The following NCKAP5 variants were observed in gnomAD, a reference collection of about 807,000 sequenced individuals.
The protein encoded by NCKAP5 is NCK associated protein 5, also known as nck-associated protein 5.
A neutral mutation model predicts 167.0 loss-of-function variants in NCKAP5; 92 were observed. That is an observed-to-expected ratio of 0.55 (90% confidence interval 0.47 to 0.66). The LOEUF is 0.66. NCKAP5 is among the 30% of genes least tolerant of loss of function. The pLI, the probability that NCKAP5 is intolerant of heterozygous loss-of-function variation, is 0.00. For missense variants in NCKAP5, 2,378 were observed against 2,315.0 expected (o/e 1.03, Z -0.56); for synonymous variants, 891 against 877.4 (o/e 1.02, Z -0.27).
chr2:133,625,476 G>T, the NCKAP5 span, among the ~76,000 whole-genome samples: 8 of 152,074 alleles, frequency 5.3e-5, no homozygotes, highest in Non-Finnish European at 1.0e-4. Context: ...AGGTGTACAT[G>T]GGGGGCCTGG....
intron 8 of NCKAP5, among the ~76,000 whole-genome samples, chr2:132,941,481 T>C (rs535456220): frequency 2.4e-5 from 2 of 84,556 alleles, no homozygotes; most frequent in African/African-American, 6.8e-5. Flanking sequence ...TTGGCTGGAA[T>C]GACATTCTTT....
chr2:133,635,806 C>T, the NCKAP5 span, among the ~76,000 whole-genome samples: 1 of 152,034 alleles, frequency 6.6e-6, no homozygotes, highest in Non-Finnish European at 1.5e-5. Context: ...TATAGAAAGC[C>T]CCAAATGCTT....
At chr2:132,860,079 C>G (rs1021580227) in intron 11 of NCKAP5, among the ~76,000 whole-genome samples, 2 of 152,054 alleles carry the variant, frequency 1.3e-5, no homozygotes, top group Non-Finnish European at 2.9e-5. Flanking sequence ...AAAAACAAAC[C>G]CCACATGTAT....
intron 7 of NCKAP5, among the ~76,000 whole-genome samples, chr2:132,976,706 G>A (rs2076988142): frequency 6.6e-6 from 1 of 151,760 alleles, no homozygotes; most frequent in African/African-American, 2.4e-5. Context: ...TAATTAGCTT[G>A]ATCTAGCCAT....
At chr2:133,576,787 G>T in the NCKAP5 span, among the ~76,000 whole-genome samples, 1 of 152,186 alleles carries the variant, frequency 6.6e-6, no homozygotes, top group Non-Finnish European at 1.5e-5. Context: ...TGGATACAGA[G>T]AATTCAGTTA....
intron 11 of NCKAP5, among the ~76,000 whole-genome samples, chr2:132,801,456 T>C (rs1685028678): frequency 6.6e-6 from 1 of 152,182 alleles, no homozygotes; most frequent in Non-Finnish European, 1.5e-5. Flanking sequence ...TATATACGGG[T>C]ATTTACACAT....
upstream of NCKAP5, among the ~76,000 whole-genome samples, chr2:133,570,760 G>A (rs945862148): frequency 3.9e-5 from 6 of 152,198 alleles, no homozygotes; most frequent in African/African-American, 1.2e-4. Flanking sequence ...AAAGCTTGTA[G>A]GGGCACAGGT....
chr2:133,050,110 G>A (rs1411013800), intron 6 of NCKAP5, among the ~76,000 whole-genome samples: 3 of 152,142 alleles, frequency 2.0e-5, no homozygotes, highest in Non-Finnish European at 2.9e-5. Flanking sequence ...TTTAGCACCT[G>A]CTGGGTTTCT....
chr2:133,315,884 G>A (rs1200252596), intron 3 of NCKAP5, among the ~76,000 whole-genome samples: 2 of 152,128 alleles, frequency 1.3e-5, no homozygotes, highest in African/African-American at 2.4e-5. Flanking sequence ...TATGCCAAGG[G>A]TAGGGAGAAC....
intron 5 of NCKAP5, among the ~76,000 whole-genome samples, chr2:133,203,997 C>A (rs2085828948): frequency 6.6e-6 from 1 of 152,160 alleles, no homozygotes. Context: ...ACCTTTTGCT[C>A]AACAGAAGTT....
rs370835481 is a variant in NCKAP5, at chr2:133,111,519, A to G, written c.341+18459T>C. Among the ~76,000 whole-genome samples the G allele has an allele frequency of 5.3e-5, 8 of 152,306 alleles. No individual in the cohort carries two copies. In the East Asian group the frequency reaches 1.5e-3, roughly 29 times the overall value. The stretch of plus-strand genomic sequence containing the variant: ...AACAAGATCAACTCATTTACATGTA[A>G]TCAGTGGGGATCAGAGCCTTCCTGA... On this transcript the variant is annotated intron_variant, in intron 6 of 19. Coordinates refer to ENST00000409261, the MANE Select transcript of NCKAP5 (RefSeq NM_207363.3).
chr2:133,373,484 C>A (rs148695216), intron 3 of NCKAP5, among the ~76,000 whole-genome samples: 1 of 152,310 alleles, frequency 6.6e-6, no homozygotes, highest in South Asian at 2.1e-4. Context: ...AATATCAGTT[C>A]TTTCAAACCT....
chr2:133,223,897 C>T (rs531462730), intron 4 of NCKAP5, among the ~76,000 whole-genome samples: 2 of 152,038 alleles, frequency 1.3e-5, no homozygotes, highest in African/African-American at 2.4e-5. Context: ...AGGAATGTAC[C>T]CCAATCCTCC....
In NCKAP5 at chr2:132,790,079, C is replaced by T. The variant is rs768585176; in HGVS notation, c.1036G>A (p.Glu346Lys). Residue 346 changes from glutamate (E) to lysine (K), a missense_variant, in exon 13 of 20, where the codon GAG becomes AAG. By Grantham distance (56) the Glu-to-Lys change is moderately conservative. Coordinates refer to ENST00000409261, the MANE Select transcript of NCKAP5 (RefSeq NM_207363.3). ...GTGTAGGAGGAGCCACTGGAGTACT[C>T]GCTGCAGGTGCTTGAAAGAGACAGT... ...SELSLSSTCS[E>K]YSSGSSYTWH... is the part of the protein sequence containing the mutation. 2 of 1,613,118 alleles carry T rather than the reference C, an allele frequency of 1.2e-6. No homozygotes were observed. The highest frequency in any genetic ancestry group is 1.3e-5 in the African/African-American group (1 of 74,890).
At chr2:133,436,868 T>C (rs1690518508) in intron 3 of NCKAP5, among the ~76,000 whole-genome samples, 1 of 152,152 alleles carries the variant, frequency 6.6e-6, no homozygotes, top group African/African-American at 2.4e-5. Context: ...GTATGGTTTA[T>C]ACCTGCTGTC....
chr2:132,923,505 A>C (rs925869072), intron 8 of NCKAP5, among the ~76,000 whole-genome samples: 1 of 152,226 alleles, frequency 6.6e-6, no homozygotes, highest in Non-Finnish European at 1.5e-5. Flanking sequence ...CCAATTTCTC[A>C]CTAAAGTGAA....
At chr2:133,574,350 T>C in the NCKAP5 span, among the ~76,000 whole-genome samples, 1 of 152,130 alleles carries the variant, frequency 6.6e-6, no homozygotes, top group African/African-American at 2.4e-5. Context: ...CATGCAAAGA[T>C]GCCCCAGGGA....
chr2:133,008,384 GTC>G (rs2078039804), intron 6 of NCKAP5, among the ~76,000 whole-genome samples: 2 of 151,824 alleles, frequency 1.3e-5, no homozygotes, highest in Non-Finnish European at 2.9e-5. Context: ...CACCTTCAAA[GTC>G]TGTTTTGCTT....
At chr2:133,191,535 T>TA (rs1464880397) in intron 5 of NCKAP5, among the ~76,000 whole-genome samples, 1 of 152,162 alleles carries the variant, frequency 6.6e-6, no homozygotes, top group Non-Finnish European at 1.5e-5. Context: ...CCATGAATGA[T>TA]AGACTGGATT....
Sources: allele counts gnomAD v4.1 joint callset (sites outside exome capture counted in the v4.1 genomes callset), GRCh38; gene constraint gnomAD v4.1.1; transcripts MANE v1.5; gene names NCBI Gene and HGNC (gene_info 2026-07-23, HGNC 2026-07-21).